The following GAS7 variants were observed in gnomAD, a reference collection of about 807,000 sequenced individuals.
GAS7 encodes the protein growth arrest specific 7.
In GAS7, 28 loss-of-function variants were observed where a neutral mutation model predicts 71.1. The ratio of observed to expected loss-of-function variants is 0.39; its 90% CI spans 0.29 to 0.54. The LOEUF is 0.54. Ranked by LOEUF, GAS7 falls within the 20% of genes least tolerant of loss-of-function variation. GAS7 has a pLI of 0.62. For synonymous variants in GAS7, 258 were observed against 245.8 expected, an observed-to-expected ratio of 1.05 and a Z score of -0.46; for missense variants, 436 against 627.8, an observed-to-expected ratio of 0.69 and a Z score of 3.27.
chr17:10,077,366 G>A (rs1047391964), intron 1 of GAS7, among the ~76,000 whole-genome samples: 7 of 152,202 alleles, frequency 4.6e-5, no homozygotes, highest in African/African-American at 1.7e-4. Context: ...GACAATAAAT[G>A]AGACATGTCA....
intron 5 of GAS7, among the ~76,000 whole-genome samples, chr17:9,947,764 C>CAAA (rs11401652): frequency 2.1e-5 from 2 of 94,896 alleles, no homozygotes; most frequent in African/African-American, 3.4e-5. Flanking sequence ...AACTATGTCT[C>CAAA]AAAAAAAAAA....
chr17:9,991,530 C>A (rs1054593018), intron 2 of GAS7, among the ~76,000 whole-genome samples: 1 of 152,108 alleles, frequency 6.6e-6, no homozygotes, highest in African/African-American at 2.4e-5. Flanking sequence ...CTGGCTCCAG[C>A]CTGCACAGAG....
At chr17:9,942,664 G>A (rs1453666266) in intron 7 of GAS7, among the ~76,000 whole-genome samples, 1 of 152,184 alleles carries the variant, frequency 6.6e-6, no homozygotes, top group Non-Finnish European at 1.5e-5. Flanking sequence ...TTACGGTAAA[G>A]GGCTGTGCTT....
chr17:10,190,845 C>T lies in GAS7; in HGVS notation c.183+7363G>A, dbSNP rs143231449. 4.4e-3 allele frequency among the ~76,000 whole-genome samples: 667 copies of T among 150,684 alleles called. 9 individuals are homozygous for T. Among genetic ancestry groups the T allele is most frequent in the African/African-American group, 0.015 (633 of 41,012 alleles). On this transcript the variant is annotated intron_variant, in intron 1 of 13. Coordinates refer to ENST00000432992, the MANE Select transcript of GAS7 (RefSeq NM_201433.2). ...AGCTGATGAGCTAAAAAATATATAT[C>T]TCACAAAAAAAAAAAACCCTCATGT...
chr17:9,999,974 G>C (rs1305073956), intron 2 of GAS7, among the ~76,000 whole-genome samples: 1 of 152,164 alleles, frequency 6.6e-6, no homozygotes, highest in African/African-American at 2.4e-5. Context: ...TAGGAACAGG[G>C]GCAGCCTTAA....
chr17:9,926,775 G>C lies in GAS7; in HGVS notation c.886-6C>G, dbSNP rs1202292462. The stretch of plus-strand genomic sequence containing the variant: ...TTCTCCACCTCGCTGTGAAGCTGTT[G>C]GGAGAGTAGAGACGCACACTCAGGA... On this transcript the variant is annotated splice_region_variant and splice_polypyrimidine_tract_variant and intron_variant, in intron 9 of 13. Transcript: ENST00000432992. This position sits in a 1 kb window ranked among gnomAD's most constrained non-coding sequence, Gnocchi z 5.0. 1 of 1,614,050 alleles carries C rather than the reference G, an allele frequency of 6.2e-7. No homozygotes were observed. Among genetic ancestry groups the C allele is most frequent in the Non-Finnish European group, 8.5e-7 (1 of 1,179,956 alleles).
chr17:10,114,011 C>T (rs2142069252), intron 1 of GAS7, among the ~76,000 whole-genome samples: 1 of 152,242 alleles, frequency 6.6e-6, no homozygotes, highest in East Asian at 1.9e-4. Context: ...ACCTCCCGGG[C>T]TCAAGTGATC....
intron 11 of GAS7, among the ~76,000 whole-genome samples, chr17:9,921,010 C>T (rs570268211): frequency 7.9e-5 from 12 of 152,272 alleles, no homozygotes; most frequent in African/African-American, 1.2e-4. Flanking sequence ...ACACACCAGA[C>T]GCGAGTGTGC....
intron 5 of GAS7, among the ~76,000 whole-genome samples, chr17:9,954,143 A>G (rs1182865327): frequency 1.3e-5 from 2 of 152,148 alleles, no homozygotes; most frequent in African/African-American, 4.8e-5. Flanking sequence ...GGATGAGAGG[A>G]TATGCCCTAC....
At position 9,970,961 on chromosome 17, in the gene GAS7, G is replaced by A. The variant is rs569059372; in HGVS notation, c.386-1199C>T. ...TACATAAGCTTAGACGAGCAGCTTC[G>A]CCTCAGTGACCCTCAGCTTCTGTAC... On this transcript the variant is annotated intron_variant, in intron 3 of 13. Transcript: ENST00000432992. Among the ~76,000 whole-genome samples, 10 of 152,280 alleles carry A rather than the reference G, an allele frequency of 6.6e-5. No homozygotes were observed. The East Asian group carries it at 1.4e-3, about 21-fold the overall frequency.
At chr17:10,125,525 TA>T (rs71365720) in intron 1 of GAS7, among the ~76,000 whole-genome samples, 6 of 58,706 alleles carry the variant, frequency 1.0e-4, no homozygotes, top group African/African-American at 1.4e-4. Flanking sequence ...AACTCCATCT[TA>T]AAAAAAAAAA....
intron 1 of GAS7, among the ~76,000 whole-genome samples, chr17:10,044,070 G>A (rs11658844): frequency 0.35 from 53,760 of 152,172 alleles, 10,028 homozygotes; most frequent in African/African-American, 0.48. Flanking sequence ...GCAGACGTCA[G>A]TCTACGGTAC....
chr17:10,105,308 C>T (rs1173632490), intron 1 of GAS7, among the ~76,000 whole-genome samples: 1 of 152,056 alleles, frequency 6.6e-6, no homozygotes, highest in Non-Finnish European at 1.5e-5. Context: ...TCCACAAACA[C>T]CGGCCCCTCC....
In GAS7 at chr17:10,021,093, G is replaced by C. The variant is rs558708358; in HGVS notation, c.184-1196C>G. 4.6e-5 allele frequency among the ~76,000 whole-genome samples: 7 copies of C among 152,292 alleles called. No individual in the cohort carries two copies. The South Asian group carries it at 1.5e-3, about 32-fold the overall frequency. On this transcript the variant is annotated intron_variant, in intron 1 of 13. Coordinates refer to ENST00000432992, the MANE Select transcript of GAS7 (RefSeq NM_201433.2). ...GAACATTTTAAAATTAGGACAGAGAGTCCAAATTAGCCCGTAAGATTGCTG... is the reference window on the plus strand; with the variant it reads ...GAACATTTTAAAATTAGGACAGAGACTCCAAATTAGCCCGTAAGATTGCTG...
chr17:10,182,828 A>T (rs1474615092), intron 1 of GAS7, among the ~76,000 whole-genome samples: 3 of 152,204 alleles, frequency 2.0e-5, no homozygotes, highest in Non-Finnish European at 2.9e-5. Flanking sequence ...CCCTTGAAAC[A>T]AACCTTTCCT....
chr17:10,125,008 C>T (rs1267387934), intron 1 of GAS7, among the ~76,000 whole-genome samples: 6 of 150,676 alleles, frequency 4.0e-5, no homozygotes, highest in Non-Finnish European at 5.9e-5. Context: ...GGAAATTACT[C>T]TCCGTGCAAA....
At chr17:10,197,611 G>A (rs1320105657) in intron 1 of GAS7, among the ~76,000 whole-genome samples, 1 of 152,226 alleles carries the variant, frequency 6.6e-6, no homozygotes, top group Non-Finnish European at 1.5e-5. Flanking sequence ...AGCTGGACCA[G>A]GGGAGCAGGC....
intron 1 of GAS7, among the ~76,000 whole-genome samples, chr17:10,185,070 C>T (rs2074442252): frequency 2.0e-5 from 3 of 152,006 alleles, no homozygotes; most frequent in South Asian, 2.1e-4. Flanking sequence ...GAGACTACGG[C>T]GCGTGCCACC....
At chr17:10,126,491 CACAT>C (rs940437154) in intron 1 of GAS7, among the ~76,000 whole-genome samples, 28 of 151,588 alleles carry the variant, frequency 1.8e-4, no homozygotes, top group Non-Finnish European at 2.5e-4. Flanking sequence ...CACACCCACT[CACAT>C]ACACACAAAC....
Sources: gnomAD v4.1 joint callset for allele counts (sites outside exome capture counted in the v4.1 genomes callset) on GRCh38, gnomAD v4.1.1 for gene constraint, Gnocchi (gnomAD v3.1) non-coding constraint, MANE v1.5 for transcripts, NCBI Gene and HGNC (gene_info 2026-07-23, HGNC 2026-07-21) for gene names.